Variants in CLDN1 observed in about 807,000 individuals in gnomAD.
The protein encoded by CLDN1 is claudin 1.
In CLDN1, 12 loss-of-function variants were observed where a neutral mutation model predicts 22.6. That is an observed-to-expected ratio of 0.53 (90% CI 0.34 to 0.86). The LOEUF (loss-of-function observed/expected upper bound fraction) is 0.86, where lower values mean the gene tolerates loss of function less well. Among genes scored for constraint, CLDN1 ranks in the 40% least tolerant of loss-of-function variants. The probability of loss-of-function intolerance (pLI) is 0.02; values close to 1 mark genes in which losing one functional copy is unlikely to be tolerated. For synonymous variants in CLDN1, 99 were observed against 103.8 expected (o/e 0.95, Z 0.28); for missense variants, 250 against 269.5 (o/e 0.93, Z 0.51).
At chr3:190,321,242 T>C (rs544469076) in intron 1 of CLDN1, among the ~76,000 whole-genome samples, 3 of 152,312 alleles carry the variant, frequency 2.0e-5, no homozygotes, top group African/African-American at 7.2e-5. Flanking sequence ...CGCAGGTTAT[T>C]TAGAACCTTT....
intron 3 of CLDN1, among the ~76,000 whole-genome samples, chr3:190,308,729 TTA>T (rs1319972067): frequency 2.6e-5 from 4 of 152,172 alleles, no homozygotes; most frequent in African/African-American, 9.7e-5. Context: ...TAAAGCATGT[TTA>T]TATGTTTTAG....
chr3:190,312,217 C>T (rs1312347095), intron 2 of CLDN1, among the ~76,000 whole-genome samples: 1 of 151,986 alleles, frequency 6.6e-6, no homozygotes, highest in African/African-American at 2.4e-5. Flanking sequence ...AGGCGTGAAC[C>T]ACCACACCTG....
intron 1 of CLDN1, among the ~76,000 whole-genome samples, chr3:190,316,534 A>C (rs1429643446): frequency 1.3e-5 from 2 of 152,234 alleles, no homozygotes; most frequent in Non-Finnish European, 2.9e-5. Flanking sequence ...ACAAGTTACA[A>C]GTGTTTTATG....
At chr3:190,319,380 G>A (rs900883556) in intron 1 of CLDN1, among the ~76,000 whole-genome samples, 2 of 152,146 alleles carry the variant, frequency 1.3e-5, no homozygotes, top group Admixed American at 1.3e-4. Context: ...AATACACAAT[G>A]TGACATTTGT....
intron 1 of CLDN1, among the ~76,000 whole-genome samples, chr3:190,315,551 C>A (rs1716743657): frequency 6.6e-6 from 1 of 152,184 alleles, no homozygotes; most frequent in African/African-American, 2.4e-5. Context: ...AGAGATCACA[C>A]AATCAATAAA....
chr3:190,318,910 G>T (rs1716840180), intron 1 of CLDN1, among the ~76,000 whole-genome samples: 1 of 152,194 alleles, frequency 6.6e-6, no homozygotes, highest in African/African-American at 2.4e-5. Flanking sequence ...CTACACACAT[G>T]TGGATTCATG....
rs542885479 is a variant in CLDN1 at position 190,307,870 on chromosome 3, T to C, written c.*407A>G. On this transcript the variant is annotated 3_prime_UTR_variant, in exon 4 of 4. Transcript: ENST00000295522. ...ATACCAATAAACATCTTCATCAATA[T>C]GGAATTAAATACATTTACCTATTTT... is the stretch of plus-strand genomic sequence containing the variant. The C allele has an allele frequency of 6.2e-5, 10 of 162,260 alleles. No homozygotes were observed. The highest frequency in any genetic ancestry group is 1.1e-4 in the Non-Finnish European group (8 of 73,972). 10.1% of individuals were successfully genotyped at this position (162,260 alleles called of 1,614,324 possible). A position where few individuals can be genotyped will look rare whatever the true frequency, so the allele number is the denominator to read the frequency against.
rs1325969312 is a variant in CLDN1, at chr3:190,308,423, C to G, written c.490G>C (p.Ala164Pro). Reference sequence around the variant, plus strand: ...GCAGCAGCCCAGCCAGTGAAGAGAGCCTGACCAAATTCGTACCTAAAAGGA... The same window carrying G: ...GCAGCAGCCCAGCCAGTGAAGAGAGGCTGACCAAATTCGTACCTAAAAGGA... ...PVNARYEFGQ[A>P]LFTGWAAASL... Residue 164 changes from alanine (A) to proline (P), a missense_variant, in exon 4 of 4, where the codon GCT becomes CCT. Physicochemically the swap from Ala to Pro is conservative, Grantham distance 27. Transcript: ENST00000295522. 1.7e-5 allele frequency: 28 copies of G among 1,613,376 alleles called. No homozygotes were observed. Among genetic ancestry groups the G allele is most frequent in the Non-Finnish European group, 2.3e-5 (27 of 1,179,740 alleles).
intron 3 of CLDN1, among the ~76,000 whole-genome samples, chr3:190,309,532 G>A (rs1439742409): frequency 2.6e-5 from 4 of 152,212 alleles, no homozygotes; most frequent in Non-Finnish European, 1.5e-5. Context: ...TGTGAAGACA[G>A]TGAGATGAAG....
Position 190,316,994 on chromosome 3 carries a change from A to G in CLDN1, c.224-3958T>C, listed in dbSNP as rs184762656. ...GATCTATTTTTTAAAGTATGTATCT[A>G]ATGAGCTTCAAAGCTTAAGTTTTGT... On this transcript the variant is annotated intron_variant, in intron 1 of 3. Transcript: ENST00000295522. Among the ~76,000 whole-genome samples the G allele has an allele frequency of 4.5e-3, 681 of 152,290 alleles. 2 individuals are homozygous for G. The highest frequency in any genetic ancestry group is 7.3e-3 in the Non-Finnish European group (494 of 68,012).
intron 2 of CLDN1, among the ~76,000 whole-genome samples, chr3:190,312,350 C>G (rs1716646274): frequency 6.6e-6 from 1 of 151,992 alleles, no homozygotes; most frequent in South Asian, 2.1e-4. Context: ...AACAGGCCAC[C>G]TCTACTCCAG....
rs141633831 is a variant in CLDN1 at position 190,312,593 on chromosome 3, G to A, written c.388+279C>T. On this transcript the variant is annotated intron_variant, in intron 2 of 3. Transcript: ENST00000295522. Reference sequence around the variant, plus strand: ...GAATTACATGAACTTCCTCCTTAGCGTTTGCTAAATAGTGAACAACTTTCT... The same window carrying A: ...GAATTACATGAACTTCCTCCTTAGCATTTGCTAAATAGTGAACAACTTTCT... 3.2e-3 allele frequency among the ~76,000 whole-genome samples: 493 copies of A among 152,228 alleles called. 3 individuals are homozygous for A. Among genetic ancestry groups the A allele is most frequent in the African/African-American group, 0.011 (451 of 41,522 alleles).
chr3:190,315,601 C>T (rs777175293), intron 1 of CLDN1, among the ~76,000 whole-genome samples: 2 of 152,194 alleles, frequency 1.3e-5, no homozygotes, highest in African/African-American at 2.4e-5. Context: ...TAGCATCTTA[C>T]ATTTCACAGC....
chr3:190,318,059 A>G (rs1489943675), intron 1 of CLDN1, among the ~76,000 whole-genome samples: 1 of 152,182 alleles, frequency 6.6e-6, no homozygotes, highest in Non-Finnish European at 1.5e-5. Context: ...TCCATATTAA[A>G]TCTTTTACTT....
chr3:190,315,280 G>T (rs933058832), intron 1 of CLDN1, among the ~76,000 whole-genome samples: 19 of 152,128 alleles, frequency 1.2e-4, no homozygotes, highest in African/African-American at 4.6e-4. Flanking sequence ...ATCTCAGTTT[G>T]CCTGGAACAG....
chr3:190,308,491 TC>T, intron 3 of CLDN1, 52 bp from the exon 4 acceptor site: 1 of 1,553,364 alleles, frequency 6.4e-7, no homozygotes, highest in Non-Finnish European at 8.9e-7. Context: ...TGGCAACTTT[TC>T]TAATATAATA....
At chr3:190,319,902 G>A (rs753117835) in intron 1 of CLDN1, among the ~76,000 whole-genome samples, 6 of 152,166 alleles carry the variant, frequency 3.9e-5, no homozygotes, top group Non-Finnish European at 5.9e-5. Flanking sequence ...CATCCCGTGA[G>A]TCACGGCAGG....
chr3:190,321,595 T>C (rs1716923231), intron 1 of CLDN1, among the ~76,000 whole-genome samples: 1 of 152,210 alleles, frequency 6.6e-6, no homozygotes, highest in Non-Finnish European at 1.5e-5. Flanking sequence ...TTCAAACTTT[T>C]TCAGTCATCC....
At chr3:190,319,579 T>G (rs1716862746) in intron 1 of CLDN1, among the ~76,000 whole-genome samples, 1 of 152,114 alleles carries the variant, frequency 6.6e-6, no homozygotes, top group Non-Finnish European at 1.5e-5. Flanking sequence ...AAACAACAGA[T>G]TTTAATACTT....
Sources: gnomAD v4.1 joint callset for allele counts (sites outside exome capture counted in the v4.1 genomes callset) on GRCh38, gnomAD v4.1.1 for gene constraint, MANE v1.5 for transcripts, NCBI Gene and HGNC (gene_info 2026-07-23, HGNC 2026-07-21) for gene names.